The following ZNF385B variants were observed in gnomAD, a reference collection of about 807,000 sequenced individuals.
ZNF385B encodes the protein zinc finger protein 533.
ZNF385B carries 23 observed loss-of-function variants against 39.2 expected under a neutral mutation model. The ratio of observed to expected loss-of-function variants is 0.59; its 90% CI spans 0.42 to 0.83. ZNF385B has a LOEUF of 0.83. Ranked by LOEUF, ZNF385B falls within the 40% of genes least tolerant of loss-of-function variation. The pLI is 0.00. For synonymous variants in ZNF385B, 205 were observed against 222.6 expected (o/e 0.92, Z 0.70); for missense variants, 552 against 598.9 (o/e 0.92, Z 0.82).
intron 3 of ZNF385B, among the ~76,000 whole-genome samples, chr2:179,676,127 C>T (rs550034228): frequency 5.9e-4 from 87 of 146,658 alleles, no homozygotes; most frequent in African/African-American, 1.9e-3. Context: ...TTCGCTTTGC[C>T]GCCCAGGCTG....
At chr2:179,453,175 T>C (rs1227703754) in intron 6 of ZNF385B, among the ~76,000 whole-genome samples, 1 of 152,210 alleles carries the variant, frequency 6.6e-6, no homozygotes, top group Non-Finnish European at 1.5e-5. Context: ...GAATGTACTA[T>C]ATTCAGCAAT....
rs1462209 is a variant in ZNF385B, at chr2:179,731,573, C to T, written c.298+37930G>A. Among the ~76,000 whole-genome samples the T allele has an allele frequency of 2.6e-5, 4 of 152,266 alleles. No individual in the cohort carries two copies. In the East Asian group the frequency reaches 5.8e-4, roughly 22 times the overall value. ...CAAACTGAGGAGCTCTTAATAACAC[C>T]CATGCCAGCAATTCTGATTTAATTG... On this transcript the variant is annotated intron_variant, in intron 3 of 9. Transcript: ENST00000410066.
intron 1 of ZNF385B, among the ~76,000 whole-genome samples, chr2:179,797,863 A>G (rs1705772147): frequency 6.6e-6 from 1 of 152,070 alleles, no homozygotes; most frequent in Admixed American, 6.6e-5. Context: ...CATTACCTCA[A>G]TCTGTTATTG....
chr2:179,653,218 T>C (rs540675712), intron 3 of ZNF385B, among the ~76,000 whole-genome samples: 34 of 152,194 alleles, frequency 2.2e-4, no homozygotes, highest in African/African-American at 7.9e-4. Flanking sequence ...AAAAAGCATA[T>C]CAAAATGCAA....
chr2:179,707,618 T>C (rs1699707842), intron 3 of ZNF385B, among the ~76,000 whole-genome samples: 1 of 152,170 alleles, frequency 6.6e-6, no homozygotes, highest in Non-Finnish European at 1.5e-5. Context: ...AGTTCACCAG[T>C]GTCTATCCTA....
At chr2:179,467,334 A>G (rs1373348329) in intron 6 of ZNF385B, among the ~76,000 whole-genome samples, 1 of 152,210 alleles carries the variant, frequency 6.6e-6, no homozygotes, top group Non-Finnish European at 1.5e-5. Flanking sequence ...GACTTGCTTT[A>G]TTAGTCATAG....
chr2:179,490,106 A>G (rs966174081), intron 5 of ZNF385B, among the ~76,000 whole-genome samples: 4 of 152,208 alleles, frequency 2.6e-5, no homozygotes, highest in Non-Finnish European at 5.9e-5. Context: ...TTTATAATAT[A>G]GATGTAAATA....
chr2:179,780,811 G>C (rs1346907165), intron 1 of ZNF385B, among the ~76,000 whole-genome samples: 1 of 152,082 alleles, frequency 6.6e-6, no homozygotes, highest in Non-Finnish European at 1.5e-5. Flanking sequence ...TTTAATTTAG[G>C]ATAACTTATT....
chr2:179,560,835 T>A (rs2061286107), intron 3 of ZNF385B, among the ~76,000 whole-genome samples: 1 of 152,254 alleles, frequency 6.6e-6, no homozygotes, highest in Non-Finnish European at 1.5e-5. Flanking sequence ...GTTTTCTTTT[T>A]AATATTTGCT....
chr2:179,756,835 T>C (rs1365104927), intron 3 of ZNF385B, among the ~76,000 whole-genome samples: 8 of 152,262 alleles, frequency 5.3e-5, no homozygotes, highest in Non-Finnish European at 4.4e-5. Context: ...AGGACTTCTC[T>C]ACACTGGTTA....
intron 3 of ZNF385B, among the ~76,000 whole-genome samples, chr2:179,650,879 C>T (rs76342894): frequency 5.3e-5 from 8 of 152,084 alleles, no homozygotes; most frequent in Admixed American, 2.6e-4. Flanking sequence ...ACAGTTAAGA[C>T]GCATTAAATC....
At chr2:179,797,061 TA>T (rs537149866) in intron 1 of ZNF385B, among the ~76,000 whole-genome samples, 3 of 151,582 alleles carry the variant, frequency 2.0e-5, no homozygotes, top group Admixed American at 6.6e-5. Flanking sequence ...GAATGGGGTT[TA>T]AAAAAAAACC....
intron 6 of ZNF385B, among the ~76,000 whole-genome samples, chr2:179,478,552 G>T (rs1298975268): frequency 6.6e-6 from 1 of 152,088 alleles, no homozygotes; most frequent in African/African-American, 2.4e-5. Context: ...AATTATCTTT[G>T]CTCTTAATTG....
chr2:179,642,511 G>A (rs1230553826), intron 3 of ZNF385B, among the ~76,000 whole-genome samples: 2 of 151,696 alleles, frequency 1.3e-5, no homozygotes, highest in Admixed American at 1.3e-4. Flanking sequence ...ACTCTTGTTC[G>A]AACCAGCATG....
At chr2:179,705,308 AAC>A (rs1412359460) in intron 3 of ZNF385B, among the ~76,000 whole-genome samples, 1 of 152,102 alleles carries the variant, frequency 6.6e-6, no homozygotes, top group Non-Finnish European at 1.5e-5. Context: ...TCTGTCTGTA[AAC>A]ACAGTTTATG....
intron 3 of ZNF385B, among the ~76,000 whole-genome samples, chr2:179,740,406 C>T (rs1702018649): frequency 6.6e-6 from 1 of 152,042 alleles, no homozygotes; most frequent in Non-Finnish European, 1.5e-5. Context: ...CTAGGTGTTC[C>T]CTGGGGGAGG....
At chr2:179,581,914 C>T (rs1406442948) in intron 3 of ZNF385B, among the ~76,000 whole-genome samples, 1 of 152,106 alleles carries the variant, frequency 6.6e-6, no homozygotes, top group Non-Finnish European at 1.5e-5. Context: ...AGCTGTAATA[C>T]CATTTCTGAA....
chr2:179,710,646 T>C (rs1310462290), intron 3 of ZNF385B, among the ~76,000 whole-genome samples: 1 of 152,194 alleles, frequency 6.6e-6, no homozygotes, highest in Non-Finnish European at 1.5e-5. Context: ...GGTGTTGGTC[T>C]CAAAATGACA....
intron 1 of ZNF385B, among the ~76,000 whole-genome samples, chr2:179,791,679 C>T (rs184498946): frequency 3.3e-4 from 50 of 152,130 alleles, no homozygotes; most frequent in Admixed American, 9.8e-4. Context: ...CCATTGGAAG[C>T]GGAAACAAAA....
Sources: allele counts gnomAD v4.1 joint callset (sites outside exome capture counted in the v4.1 genomes callset), GRCh38; gene constraint gnomAD v4.1.1; transcripts MANE v1.5; gene names NCBI Gene and HGNC (gene_info 2026-07-23, HGNC 2026-07-21).